Variants in FAM217B observed in about 807,000 individuals in gnomAD.
FAM217B encodes protein FAM217B.
For synonymous variants in FAM217B, 163 were observed against 173.0 expected, an observed-to-expected ratio of 0.94 and a Z score of 0.45; for missense variants, 463 against 456.9, an observed-to-expected ratio of 1.01 and a Z score of -0.12.
Position 59,944,619 on chromosome 20 carries a change from C to G in FAM217B, c.676C>G (p.Leu226Val), listed in dbSNP as rs763277325. ...GALKSPGRSKLIASALSKPLP... is the reference protein window; with the variant it reads ...GALKSPGRSKVIASALSKPLP... ...ACTGAAAAGCCCTGGGAGAAGTAAGCTAATTGCTAGTGCTCTGTCCAAGCC... is the reference window on the plus strand; with the variant it reads ...ACTGAAAAGCCCTGGGAGAAGTAAGGTAATTGCTAGTGCTCTGTCCAAGCC... The change falls in exon 4 of 4, where the codon CTA becomes GTA. Residue 226 changes from leucine (L) to valine (V), a missense_variant. Transcript: ENST00000360816. The G allele has an allele frequency of 2.5e-6, 4 of 1,614,064 alleles. No individual in the cohort carries two copies. Among genetic ancestry groups the G allele is most frequent in the Non-Finnish European group, 3.4e-6 (4 of 1,180,022 alleles).
At chr20:59,939,796 T>C (rs2060888588), upstream of FAM217B, 1 of 1,228,806 alleles carries the variant, frequency 8.1e-7, no homozygotes, top group Non-Finnish European at 1.0e-6. Flanking sequence ...CGGCCCGGGC[T>C]CCCAGGGGGC....
In FAM217B at chr20:59,945,039, A is replaced by G. The variant is rs2145953407; in HGVS notation, c.1096A>G (p.Ser366Gly). Residue 366 changes from serine to glycine, a missense_variant, in exon 4 of 4, where the codon AGT becomes GGT. Ser to Gly is a moderately conservative substitution (Grantham distance 56). Transcript: ENST00000360816. The stretch of plus-strand genomic sequence containing the variant: ...GAGCTGTGGTCATGCCACTGTATCG[A>G]GTGAGAAAAAACTGAAAACAAACGG... ...AESCGHATVS[S>G]EKKLKTNGVK... The G allele has an allele frequency of 6.2e-7, 1 of 1,605,774 alleles. No homozygotes were observed. Among genetic ancestry groups the G allele is most frequent in the Middle Eastern group, 1.7e-4 (1 of 6,012 alleles).
intron 1 of FAM217B, among the ~76,000 whole-genome samples, chr20:59,934,142 G>A (rs949632136): frequency 6.6e-6 from 1 of 152,152 alleles, no homozygotes; most frequent in Non-Finnish European, 1.5e-5. Flanking sequence ...CCGGGCCGAC[G>A]ACTCCTGGGT....
At chr20:59,939,889 C>G (rs775847909), upstream of FAM217B, 3 of 1,253,092 alleles carry the variant, frequency 2.4e-6, no homozygotes, top group Non-Finnish European at 3.0e-6. Context: ...TTCCGGGATC[C>G]CAGGGCGCTA....
upstream of FAM217B, chr20:59,936,932 A>G (rs41276970): frequency 6.6e-6 from 1 of 152,632 alleles, no homozygotes; most frequent in Non-Finnish European, 1.5e-5. Context: ...TGCACAGCCC[A>G]CTAGAAAATT....
At chr20:59,943,205 A>G (rs935877902) in intron 3 of FAM217B, among the ~76,000 whole-genome samples, 8 of 152,184 alleles carry the variant, frequency 5.3e-5, no homozygotes, top group Admixed American at 2.6e-4. Context: ...TAGTTTCTAT[A>G]CTCATAATGC....
chr20:59,935,785 TATC>T (rs543420735), upstream of FAM217B, among the ~76,000 whole-genome samples: 186 of 152,346 alleles, frequency 1.2e-3, 1 homozygote, highest in African/African-American at 4.4e-3. Flanking sequence ...AAAAGAGAAA[TATC>T]ATAATGTGGC....
chr20:59,937,201 A>G (rs938915138), upstream of FAM217B: 11 of 152,648 alleles, frequency 7.2e-5, no homozygotes, highest in Admixed American at 5.2e-4. Context: ...CTCTTAACTC[A>G]TATCTAAATT....
At chr20:59,940,177 A>G (rs2060892140), upstream of FAM217B, 3 of 383,734 alleles carry the variant, frequency 7.8e-6, no homozygotes, top group Non-Finnish European at 1.4e-5. Flanking sequence ...GGAAGCTTTC[A>G]GAGGCCTCCC....
In FAM217B at chr20:59,945,089, A is replaced by AAAAT; in HGVS notation, c.1152_*3dup. The stretch of plus-strand genomic sequence containing the variant: ...GAGTAAAGCAAAACACATATAAACT[A>AAAAT]AAATAAATATCTAAAATGCTGAATT... On this transcript the variant is annotated frameshift_variant, in exon 4 of 4. Transcript: ENST00000360816. LOFTEE classifies it high-confidence loss of function. The AAAAT allele has an allele frequency of 6.3e-7, 1 of 1,576,962 alleles. No homozygotes were observed. The highest frequency in any genetic ancestry group is 8.6e-7 in the Non-Finnish European group (1 of 1,165,778).
At chr20:59,941,919 G>C (rs2060907831) in intron 1 of FAM217B, among the ~76,000 whole-genome samples, 1 of 152,168 alleles carries the variant, frequency 6.6e-6, no homozygotes, top group Non-Finnish European at 1.5e-5. Context: ...CAGGGAGAGA[G>C]AGAGAGAGAT....
chr20:59,939,026 C>A, upstream of FAM217B: 3 of 1,510,838 alleles, frequency 2.0e-6, no homozygotes, highest in South Asian at 2.5e-5. Flanking sequence ...CCGGTCCCCG[C>A]GCGGCTCAGA....
At chr20:59,939,165 G>A (rs377580619), upstream of FAM217B, 13 of 1,611,340 alleles carry the variant, frequency 8.1e-6, no homozygotes, top group Non-Finnish European at 1.0e-5. Flanking sequence ...GTAGCGCACC[G>A]CGAAGTGCAC....
At chr20:59,940,789 C>T (rs1300712347) in intron 1 of FAM217B, among the ~76,000 whole-genome samples, 5 of 152,194 alleles carry the variant, frequency 3.3e-5, no homozygotes, top group East Asian at 1.9e-4. Context: ...GGGAGCCTCA[C>T]TGCGTAGAGG....
At position 59,945,354 on chromosome 20, in the gene FAM217B, T is replaced by A. The variant is rs2060931176; in HGVS notation, c.*259T>A. ...TAAAAATTATGTAAAATATGTGCCA[T>A]ATAAAGGAATAAAATGGCACCTCTC... On this transcript the variant is annotated 3_prime_UTR_variant, in exon 4 of 4. Coordinates refer to ENST00000360816, the MANE Select transcript of FAM217B (RefSeq NM_022106.3). 1.1e-5 allele frequency: 4 copies of A among 348,136 alleles called. No individual in the cohort carries two copies. Among genetic ancestry groups the A allele is most frequent in the Non-Finnish European group, 2.2e-5 (4 of 181,556 alleles). 21.6% of individuals were successfully genotyped at this position (348,136 alleles called of 1,614,324 possible).
chr20:59,933,827 TGGG>T (rs2145937317), exon 1 of FAM217B: 1 of 139,078 alleles, frequency 7.2e-6, no homozygotes, highest in South Asian at 2.6e-4. Flanking sequence ...GGGGACGCTG[TGGG>T]CGCGGCTCAG....
upstream of FAM217B, chr20:59,937,724 A>G (rs1170251280): frequency 6.6e-6 from 1 of 151,484 alleles, no homozygotes. Context: ...ACTGTTCAGC[A>G]CCAAAAGAAC....
upstream of FAM217B, among the ~76,000 whole-genome samples, chr20:59,935,645 G>GCAC (rs1393180868): frequency 5.3e-5 from 8 of 152,260 alleles, no homozygotes; most frequent in African/African-American, 1.7e-4. Context: ...ATGTGCCTGT[G>GCAC]CACCTAGCTG....
In FAM217B at chr20:59,947,541, G is replaced by A. The variant is rs558521863; in HGVS notation, c.*2446G>A. ...AAAAAGAAAGAAATTGAGAAGTAAC[G>A]CCTCATAATATTTGTTCCCAGCTTT... On this transcript the variant is annotated 3_prime_UTR_variant, in exon 4 of 4. Coordinates refer to ENST00000360816, the MANE Select transcript of FAM217B (RefSeq NM_022106.3). 1.1e-4 allele frequency: 18 copies of A among 167,030 alleles called. No individual in the cohort carries two copies. Among genetic ancestry groups the A allele is most frequent in the Non-Finnish European group, 1.8e-4 (12 of 68,100 alleles). 10.3% of individuals were successfully genotyped at this position (167,030 alleles called of 1,614,324 possible). A position where few individuals can be genotyped will look rare whatever the true frequency, so the allele number is the denominator to read the frequency against.
Sources: allele counts gnomAD v4.1 joint callset (sites outside exome capture counted in the v4.1 genomes callset), GRCh38; gene constraint gnomAD v4.1.1; transcripts MANE v1.5; gene names NCBI Gene and HGNC (gene_info 2026-07-23, HGNC 2026-07-21).